ZNF385D: variants seen among roughly 807,000 people sequenced by gnomAD.
ZNF385D encodes zinc finger protein 659.
A neutral mutation model predicts 35.8 loss-of-function variants in ZNF385D; 15 were observed. That is an observed-to-expected ratio of 0.42 (90% CI 0.28 to 0.64). The LOEUF (loss-of-function observed/expected upper bound fraction) is 0.64, where lower values mean the gene tolerates loss of function less well. Among genes scored for constraint, ZNF385D ranks in the 30% least tolerant of loss-of-function variants. ZNF385D has a pLI of 0.23. For missense variants in ZNF385D, 474 were observed against 494.6 expected (o/e 0.96, Z 0.39); for synonymous variants, 212 against 186.8 (o/e 1.13, Z -1.10).
At chr3:21,532,881 A>G (rs1322653466) in intron 3 of ZNF385D, among the ~76,000 whole-genome samples, 3 of 152,170 alleles carry the variant, frequency 2.0e-5, no homozygotes, top group Non-Finnish European at 4.4e-5. Context: ...TTACAAAGAC[A>G]AATAGCTTCT....
chr3:21,902,614 A>G (rs1234925384), intron 3 of ZNF385D, among the ~76,000 whole-genome samples: 1 of 152,212 alleles, frequency 6.6e-6, no homozygotes, highest in Non-Finnish European at 1.5e-5. Flanking sequence ...TTAAAGAAAC[A>G]GCAGAATGGT....
At chr3:22,011,646 G>T (rs1482865741) in intron 3 of ZNF385D, among the ~76,000 whole-genome samples, 1 of 152,026 alleles carries the variant, frequency 6.6e-6, no homozygotes, top group African/African-American at 2.4e-5. Flanking sequence ...GTATTAATAA[G>T]TATGGTTATA....
intron 4 of ZNF385D, among the ~76,000 whole-genome samples, chr3:21,464,687 C>T (rs1703394068): frequency 1.3e-5 from 2 of 151,530 alleles, no homozygotes; most frequent in South Asian, 4.2e-4. Flanking sequence ...AAAATCGCTT[C>T]ATATGAAAAA....
At chr3:21,676,458 G>T (rs1482491739) in intron 1 of ZNF385D, among the ~76,000 whole-genome samples, 1 of 151,990 alleles carries the variant, frequency 6.6e-6, no homozygotes. Flanking sequence ...GTTCCTAATG[G>T]AATTGTAGTA....
At chr3:21,998,881 C>A (rs577417887) in intron 3 of ZNF385D, among the ~76,000 whole-genome samples, 1 of 152,124 alleles carries the variant, frequency 6.6e-6, no homozygotes, top group African/African-American at 2.4e-5. Context: ...CATGCACATA[C>A]TGAAGAGTTC....
At position 21,412,926 on chromosome 3, in the gene ZNF385D, T is replaced by C. The variant is rs1371024847; in HGVS notation, c.*8288A>G. Reference sequence around the variant, plus strand: ...GGCATATGGGGGATTTTATCACATATCATGTAGGGTGAGAAATTGATGTTT... The same window carrying C: ...GGCATATGGGGGATTTTATCACATACCATGTAGGGTGAGAAATTGATGTTT... On this transcript the variant is annotated 3_prime_UTR_variant, in exon 8 of 8. Coordinates refer to ENST00000281523, the MANE Select transcript of ZNF385D (RefSeq NM_024697.3). 6.6e-6 allele frequency: 1 copy of C among 152,038 alleles called. No individual in the cohort carries two copies. Among genetic ancestry groups the C allele is most frequent in the African/African-American group, 2.4e-5 (1 of 41,414 alleles). 9.4% of individuals were successfully genotyped at this position (152,038 alleles called of 1,614,324 possible).
At chr3:22,094,410 A>ATATATATCAACAATATATATTGTTGATAT (rs1386186822) in intron 3 of ZNF385D, among the ~76,000 whole-genome samples, 2 of 83,424 alleles carry the variant, frequency 2.4e-5, no homozygotes, top group African/African-American at 4.0e-5. Context: ...ATATATATAT[A>ATATATATCAACAATATATATTGTTGATAT]AAGGCATTTG....
At chr3:21,826,033 C>T (rs966752062) in intron 3 of ZNF385D, among the ~76,000 whole-genome samples, 3 of 152,140 alleles carry the variant, frequency 2.0e-5, no homozygotes, top group African/African-American at 4.8e-5. Context: ...CCCTTCTTCC[C>T]CTCAACCCCC....
At chr3:22,101,079 T>A (rs1402854779) in intron 3 of ZNF385D, among the ~76,000 whole-genome samples, 1 of 151,958 alleles carries the variant, frequency 6.6e-6, no homozygotes, top group African/African-American at 2.4e-5. Context: ...AATGAAAACT[T>A]AGAGAAAATG....
intron 3 of ZNF385D, among the ~76,000 whole-genome samples, chr3:21,955,610 G>C (rs1702247636): frequency 6.6e-6 from 1 of 152,038 alleles, no homozygotes; most frequent in South Asian, 2.1e-4. Flanking sequence ...ACAAAAACTT[G>C]AATTTACCTA....
At chr3:22,269,886 C>T (rs1383861435) in intron 2 of ZNF385D, among the ~76,000 whole-genome samples, 1 of 151,824 alleles carries the variant, frequency 6.6e-6, no homozygotes, top group Non-Finnish European at 1.5e-5. Context: ...TGTATTGTCT[C>T]CTTAAGATCT....
intron 3 of ZNF385D, among the ~76,000 whole-genome samples, chr3:22,115,222 C>A (rs1388672340): frequency 6.6e-6 from 1 of 151,936 alleles, no homozygotes; most frequent in Non-Finnish European, 1.5e-5. Flanking sequence ...TTGGTCAGGC[C>A]ATGAGCAAAA....
At chr3:22,176,288 G>C (rs900036862) in intron 2 of ZNF385D, among the ~76,000 whole-genome samples, 1 of 152,076 alleles carries the variant, frequency 6.6e-6, no homozygotes, top group Non-Finnish European at 1.5e-5. Flanking sequence ...GAAAGTCACA[G>C]AACAGAAGAT....
intron 3 of ZNF385D, among the ~76,000 whole-genome samples, chr3:21,937,661 T>C (rs984072414): frequency 6.6e-5 from 10 of 151,474 alleles, no homozygotes; most frequent in Non-Finnish European, 1.0e-4. Context: ...TTAAATGACG[T>C]TATTTTCATG....
chr3:22,354,770 C>G (rs562022282), intron 2 of ZNF385D, among the ~76,000 whole-genome samples: 57 of 152,136 alleles, frequency 3.7e-4, no homozygotes, highest in African/African-American at 1.3e-3. Flanking sequence ...CAGAAACAAT[C>G]ATGATGAGGT....
intron 4 of ZNF385D, among the ~76,000 whole-genome samples, chr3:21,493,297 C>T (rs1259693716): frequency 1.3e-5 from 2 of 152,052 alleles, no homozygotes; most frequent in African/African-American, 4.8e-5. Context: ...TGTCCCATTT[C>T]TTATATTCAT....
At chr3:22,125,017 C>G (rs1703346179) in intron 3 of ZNF385D, among the ~76,000 whole-genome samples, 2 of 151,988 alleles carry the variant, frequency 1.3e-5, no homozygotes, top group South Asian at 2.1e-4. Context: ...GAAAGTTTCC[C>G]CAAGGTTTTA....
chr3:22,119,247 T>C (rs1441557956), intron 3 of ZNF385D, among the ~76,000 whole-genome samples: 2 of 152,138 alleles, frequency 1.3e-5, no homozygotes, highest in Admixed American at 1.3e-4. Context: ...GGATTAAGAA[T>C]ATAAATCAAC....
At chr3:22,092,978 A>C (rs1448487173) in intron 3 of ZNF385D, among the ~76,000 whole-genome samples, 1 of 152,204 alleles carries the variant, frequency 6.6e-6, no homozygotes, top group East Asian at 1.9e-4. Context: ...AAATTAACGC[A>C]AATAAACTTA....
Sources: gnomAD v4.1 joint callset for allele counts (sites outside exome capture counted in the v4.1 genomes callset) on GRCh38, gnomAD v4.1.1 for gene constraint, MANE v1.5 for transcripts, NCBI Gene and HGNC (gene_info 2026-07-23, HGNC 2026-07-21) for gene names.